Variants in EML1 observed in about 807,000 individuals in gnomAD.
EML1 encodes EMAP like 1, also known as echinoderm microtubule-associated protein-like 1.
A neutral mutation model predicts 110.4 loss-of-function variants in EML1; 27 were observed. The ratio of observed to expected loss-of-function variants is 0.24; its 90% CI spans 0.18 to 0.34. The LOEUF is 0.34. Among genes scored for constraint, EML1 ranks in the 10% least tolerant of loss-of-function variants. The probability of loss-of-function intolerance (pLI) is 1.00; values close to 1 mark genes in which losing one functional copy is unlikely to be tolerated. For synonymous variants in EML1, 344 were observed against 385.8 expected (o/e 0.89, Z 1.27); for missense variants, 741 against 1,030.9 (o/e 0.72, Z 3.85).
At chr14:99,807,742 G>A (rs80155722) in intron 1 of EML1, among the ~76,000 whole-genome samples, 5,208 of 152,268 alleles carry the variant, frequency 0.034, 92 homozygotes, top group African/African-American at 0.047. Context: ...GGGTGGAGAC[G>A]GGGTCTGCAG....
chr14:99,742,100 G>A (rs76240946), intron 1 of EML1, among the ~76,000 whole-genome samples: 3,135 of 152,204 alleles, frequency 0.021, 104 homozygotes, highest in African/African-American at 0.072. Flanking sequence ...CACATGTCCC[G>A]AGTTCTGACA....
chr14:99,880,991 A>G (rs1339006806), intron 4 of EML1, among the ~76,000 whole-genome samples: 2 of 152,220 alleles, frequency 1.3e-5, no homozygotes, highest in African/African-American at 4.8e-5. Context: ...GTAAGATGAA[A>G]GTGTTAGATT....
Position 99,793,518 on chromosome 14 carries a change from G to T in EML1, c.42G>T (p.Thr14=). 9.6e-7 allele frequency: 1 copy of T among 1,044,104 alleles called. No individual in the cohort carries two copies. The allele number at this position is 1,044,104 out of a possible 1,614,324, so 64.7% of individuals were successfully genotyped here. A position where few individuals can be genotyped will look rare whatever the true frequency, so the allele number is the denominator to read the frequency against. ...GFSSYSSLYD[T]SSLLQFCNDD... ...CCAGCTACAGCAGCCTGTACGACAC[G>T]TCCTCGCTGCTCCAGTTCTGCAACG... The change falls in exon 1 of 22, where the codon ACG becomes ACT. Residue 14 remains threonine (T), a synonymous_variant. Coordinates refer to ENST00000262233, the MANE Select transcript of EML1 (RefSeq NM_004434.3).
chr14:99,817,524 G>A (rs2058189140), intron 1 of EML1, among the ~76,000 whole-genome samples: 2 of 152,210 alleles, frequency 1.3e-5, no homozygotes, highest in African/African-American at 4.8e-5. Flanking sequence ...CGCAGCATTA[G>A]TGCAGGTGTC....
chr14:99,804,504 A>C (rs971093621), intron 1 of EML1, among the ~76,000 whole-genome samples: 5 of 152,210 alleles, frequency 3.3e-5, no homozygotes, highest in Non-Finnish European at 5.9e-5. Flanking sequence ...AACTTGTTCA[A>C]GATTGCCTGG....
At chr14:99,868,501 G>A (rs1303943454) in intron 3 of EML1, among the ~76,000 whole-genome samples, 2 of 152,046 alleles carry the variant, frequency 1.3e-5, no homozygotes, top group African/African-American at 4.8e-5. Context: ...CTAGTTCTAG[G>A]TCTGTTCATA....
In EML1 at chr14:99,878,625, G is replaced by A. The variant is rs1262254538; in HGVS notation, c.518+6G>A. On this transcript the variant is annotated splice_donor_region_variant and intron_variant, in intron 4 of 21. Transcript: ENST00000262233. ...GGCAAAAAGAACAGTGAAAGGTAAG[G>A]ACGTCTTATCTCTCAGTTCCTGCTG... 1 of 1,612,206 alleles carries A rather than the reference G, an allele frequency of 6.2e-7. No homozygotes were observed. Among genetic ancestry groups the A allele is most frequent in the Non-Finnish European group, 8.5e-7 (1 of 1,179,216 alleles).
At chr14:99,887,020 T>C (rs1350895180) in intron 4 of EML1, among the ~76,000 whole-genome samples, 1 of 152,202 alleles carries the variant, frequency 6.6e-6, no homozygotes, top group Non-Finnish European at 1.5e-5. Flanking sequence ...ACCGCACTGG[T>C]GTCTGTTGGT....
chr14:99,754,727 A>G (rs989643123), intron 1 of EML1, among the ~76,000 whole-genome samples: 1 of 152,186 alleles, frequency 6.6e-6, no homozygotes, highest in Non-Finnish European at 1.5e-5. Context: ...GCGTTATCTC[A>G]GCACGTCTCT....
At position 99,890,417 on chromosome 14, in the gene EML1, A is replaced by G. The variant is rs112632342; in HGVS notation, c.519-782A>G. On this transcript the variant is annotated intron_variant, in intron 4 of 21. Coordinates refer to ENST00000262233, the MANE Select transcript of EML1 (RefSeq NM_004434.3). ...GTGCCATCTCCCCAAAGGTGGTGTC[A>G]TGGGAGGGGTGCCCCTGGCAGAAAG... Among the ~76,000 whole-genome samples, 422 of 152,336 alleles carry G rather than the reference A, an allele frequency of 2.8e-3. 2 individuals are homozygous for G. The highest frequency in any genetic ancestry group is 9.3e-3 in the African/African-American group (386 of 41,578).
chr14:99,915,577 G>A (rs2060021373), intron 15 of EML1, among the ~76,000 whole-genome samples: 1 of 152,006 alleles, frequency 6.6e-6, no homozygotes, highest in South Asian at 2.1e-4. Flanking sequence ...CCCTGTAGCA[G>A]CTCTGCAGGT....
intron 3 of EML1, chr14:99,874,868 T>G: frequency 6.8e-7 from 1 of 1,481,436 alleles, no homozygotes; most frequent in Non-Finnish European, 9.2e-7. Flanking sequence ...AAAATACTTT[T>G]CCACGCTTTT....
intron 1 of EML1, among the ~76,000 whole-genome samples, chr14:99,831,381 T>A (rs2058449589): frequency 6.6e-6 from 1 of 152,148 alleles, no homozygotes; most frequent in Admixed American, 6.5e-5. Context: ...CCGGGACAGG[T>A]ACCCTGGAAA....
intron 3 of EML1, among the ~76,000 whole-genome samples, chr14:99,871,919 G>T (rs1202858167): frequency 6.6e-6 from 1 of 152,228 alleles, no homozygotes; most frequent in African/African-American, 2.4e-5. Flanking sequence ...CGTGGCCCGG[G>T]CTGTCTGGCT....
Position 99,775,671 on chromosome 14 carries a change from C to T in EML1, c.-27+1658C>T, listed in dbSNP as rs190695332. ...CTGGAGAGTGATTGCATTGGAGTTG[C>T]GTTTTAGTGAGTGGCCCAGCCGCCA... On this transcript the variant is annotated intron_variant, in intron 1 of 22. Transcript: ENST00000327921. 9.4e-4 allele frequency among the ~76,000 whole-genome samples: 143 copies of T among 152,268 alleles called. 2 individuals carry two copies. Among genetic ancestry groups the T allele is most frequent in the Non-Finnish European group, 5.9e-4 (40 of 68,030 alleles).
In EML1 at chr14:99,939,954, A is replaced by G. The variant is rs945264943; in HGVS notation, c.2323-33A>G. On this transcript the variant is annotated intron_variant, in intron 21 of 21. Transcript: ENST00000262233. This position sits in a 1 kb window ranked among gnomAD's most constrained non-coding sequence, Gnocchi z 4.2. Reference sequence around the variant, plus strand: ...CATCCCAGATGGTTCGCCTTGTAGTAAAGGAAGCTTTCCCCCGTATCATTC... The same window carrying G: ...CATCCCAGATGGTTCGCCTTGTAGTGAAGGAAGCTTTCCCCCGTATCATTC... The G allele has an allele frequency of 1.3e-6, 2 of 1,507,706 alleles. No homozygotes were observed. Among genetic ancestry groups the G allele is most frequent in the African/African-American group, 2.8e-5 (2 of 70,996 alleles). 93.4% of individuals were successfully genotyped at this position (1,507,706 alleles called of 1,614,324 possible).
Position 99,784,298 on chromosome 14 carries a change from GC to G in EML1, c.-27+10288del, listed in dbSNP as rs1421622685. The stretch of plus-strand genomic sequence containing the variant: ...TATAGAAACAAGGTTTCACCATGTT[GC>G]CCAGGCTGGTCTCAAACTCCTGGAC... On this transcript the variant is annotated intron_variant, in intron 1 of 22. Coordinates refer to the EML1 transcript ENST00000327921. The surrounding 1 kb of genome is among the most constrained non-coding windows in gnomAD (Gnocchi z 4.5). Among the ~76,000 whole-genome samples, 2 of 152,102 alleles carry G rather than the reference GC, an allele frequency of 1.3e-5. No homozygotes were observed. Among genetic ancestry groups the G allele is most frequent in the Non-Finnish European group, 2.9e-5 (2 of 68,012 alleles).
At chr14:99,907,016 G>T (rs1179472975) in intron 9 of EML1, 4 of 152,416 alleles carry the variant, frequency 2.6e-5, no homozygotes, top group Non-Finnish European at 5.9e-5. Flanking sequence ...CATGCCTGCT[G>T]CAGGCACTGT....
chr14:99,815,786 T>G (rs1352901343), intron 1 of EML1, among the ~76,000 whole-genome samples: 1 of 152,212 alleles, frequency 6.6e-6, no homozygotes, highest in African/African-American at 2.4e-5. Context: ...TGTTTCTTTA[T>G]GACTTGAAAG....
Sources: allele counts gnomAD v4.1 joint callset (sites outside exome capture counted in the v4.1 genomes callset), GRCh38; gene constraint gnomAD v4.1.1; non-coding constraint Gnocchi (gnomAD v3.1); transcripts MANE v1.5; gene names NCBI Gene and HGNC (gene_info 2026-07-23, HGNC 2026-07-21).